The following POLR1E variants were observed in gnomAD, a reference collection of about 807,000 sequenced individuals.
POLR1E encodes RNA polymerase I subunit E.
POLR1E carries 37 observed loss-of-function variants against 50.9 expected under a neutral mutation model. That is an observed-to-expected ratio of 0.73 (90% CI 0.56 to 0.96). POLR1E has a LOEUF of 0.96. POLR1E is among the 40% of genes least tolerant of loss of function. POLR1E has a pLI of 0.00. For missense variants in POLR1E, 426 were observed against 518.1 expected, an observed-to-expected ratio of 0.82 and a Z score of 1.73; for synonymous variants, 166 against 191.6, an observed-to-expected ratio of 0.87 and a Z score of 1.10.
At position 37,489,312 on chromosome 9, in the gene POLR1E, C is replaced by G. The variant is rs576068341; in HGVS notation, c.258-3C>G. ...TTATTTGTATTATTTCTTCTTTATT[C>G]AGGCACTTTGTGGGAATTTTGAACA... On this transcript the variant is annotated splice_region_variant and splice_polypyrimidine_tract_variant and intron_variant, in intron 3 of 11. Transcript: ENST00000377798. 1.3e-6 allele frequency: 2 copies of G among 1,584,592 alleles called. No individual in the cohort carries two copies. The highest frequency in any genetic ancestry group is 2.3e-5 in the South Asian group (2 of 85,880).
chr9:37,503,595 A>G lies in POLR1E; in HGVS notation c.*393A>G, dbSNP rs1017346801. 1.9e-5 allele frequency: 3 copies of G among 157,382 alleles called. No homozygotes were observed. Among genetic ancestry groups the G allele is most frequent in the African/African-American group, 7.2e-5 (3 of 41,618 alleles). 9.7% of individuals were successfully genotyped at this position (157,382 alleles called of 1,614,324 possible). Reference sequence around the variant, plus strand: ...CTTGTCTCAAAAAAGTAACATAAGGAAAAAAGAAGCCTTGCTTTAGCACAG... The same window carrying G: ...CTTGTCTCAAAAAAGTAACATAAGGGAAAAAGAAGCCTTGCTTTAGCACAG... On this transcript the variant is annotated 3_prime_UTR_variant, in exon 12 of 12. Coordinates refer to ENST00000377798, the MANE Select transcript of POLR1E (RefSeq NM_022490.4).
At chr9:37,501,083 A>C (rs1055282667) in intron 10 of POLR1E, among the ~76,000 whole-genome samples, 162 bp downstream of exon 10, 1 of 152,154 alleles carries the variant, frequency 6.6e-6, no homozygotes, top group Admixed American at 6.5e-5. Flanking sequence ...AGTTTAGCAA[A>C]TGCTAAATAT....
chr9:37,488,168 G>A (rs1367156532), intron 3 of POLR1E, among the ~76,000 whole-genome samples: 1 of 152,190 alleles, frequency 6.6e-6, no homozygotes, highest in Non-Finnish European at 1.5e-5. Context: ...TTGTAATCTT[G>A]TTTATTTATA....
intron 4 of POLR1E, among the ~76,000 whole-genome samples, chr9:37,491,706 C>T (rs1327909689): frequency 1.3e-5 from 2 of 152,118 alleles, no homozygotes; most frequent in Admixed American, 6.5e-5. Context: ...TCAAGTGATT[C>T]ACCCACCTTG....
At chr9:37,497,767 G>GT (rs946856802) in intron 8 of POLR1E, among the ~76,000 whole-genome samples, 59 of 151,176 alleles carry the variant, frequency 3.9e-4, no homozygotes, top group East Asian at 7.8e-4. Context: ...TTGTTCGTTT[G>GT]TTTTTTTTTG....
intron 6 of POLR1E, among the ~76,000 whole-genome samples, chr9:37,493,923 T>A (rs1356644005): frequency 2.0e-5 from 3 of 152,128 alleles, no homozygotes; most frequent in Non-Finnish European, 2.9e-5. Flanking sequence ...GGGACAGGCA[T>A]GGAATGGATA....
At chr9:37,492,779 C>A in intron 5 of POLR1E, 64 bp downstream of exon 5, 1 of 1,451,012 alleles carries the variant, frequency 6.9e-7, no homozygotes, top group Non-Finnish European at 9.6e-7. Context: ...CGGGTTTCTC[C>A]ATCAGTGAAA....
At position 37,499,920 on chromosome 9, in the gene POLR1E, G is replaced by A. The variant is rs529688150; in HGVS notation, c.887-920G>A. On this transcript the variant is annotated intron_variant, in intron 9 of 11. Coordinates refer to ENST00000377798, the MANE Select transcript of POLR1E (RefSeq NM_022490.4). Reference sequence around the variant, plus strand: ...GGCTGGAGTGCAGTGGCTCGATCTCGGCTCCCTGCAACCTCCACCTACTGG... The same window carrying A: ...GGCTGGAGTGCAGTGGCTCGATCTCAGCTCCCTGCAACCTCCACCTACTGG... Among the ~76,000 whole-genome samples the A allele has an allele frequency of 1.3e-3, 195 of 150,040 alleles. 1 individual carries two copies. Among genetic ancestry groups the A allele is most frequent in the African/African-American group, 4.6e-3 (187 of 40,738 alleles).
At chr9:37,488,017 C>T in intron 3 of POLR1E, 78 bp downstream of exon 3, 4 of 1,442,208 alleles carry the variant, frequency 2.8e-6, no homozygotes, top group East Asian at 2.3e-5. Context: ...TGTTTCCTGT[C>T]TGTTTTAAGG....
At chr9:37,486,569 G>A in intron 1 of POLR1E, 134 bp from the exon 2 acceptor site, 1 of 1,604,862 alleles carries the variant, frequency 6.2e-7, no homozygotes. Context: ...AGTTCCCTTT[G>A]GGTCAGGACC....
Position 37,486,017 on chromosome 9 carries a change from A to AACTCCTGTGCTTGGCGG in POLR1E, c.-28_-12dup, listed in dbSNP as rs1245285983. The AACTCCTGTGCTTGGCGG allele has an allele frequency of 1.3e-5, 20 of 1,584,340 alleles. No individual in the cohort carries two copies. The highest frequency in any genetic ancestry group is 1.9e-5 in the Admixed American group (1 of 53,276). On this transcript the variant is annotated 5_prime_UTR_variant, in exon 1 of 12. Coordinates refer to ENST00000377798, the MANE Select transcript of POLR1E (RefSeq NM_022490.4). The stretch of plus-strand genomic sequence containing the variant: ...GTGCGCTTGTGGCTGCTGCTGTCTT[A>AACTCCTGTGCTTGGCGG]ACTCCTGTGCTTGGCGGACAGACAG...
intron 1 of POLR1E, 79 bp downstream of exon 1, chr9:37,486,202 T>C: frequency 6.8e-7 from 1 of 1,465,318 alleles, no homozygotes; most frequent in South Asian, 1.3e-5. Context: ...CCTCTCGCCC[T>C]CCGTTGGGCT....
intron 3 of POLR1E, among the ~76,000 whole-genome samples, chr9:37,488,538 TAG>T (rs1014681587): frequency 2.1e-4 from 32 of 151,882 alleles, no homozygotes; most frequent in African/African-American, 7.7e-4. Flanking sequence ...CATACTCCAA[TAG>T]AGGAGAGGTC....
intron 7 of POLR1E, among the ~76,000 whole-genome samples, chr9:37,495,638 G>A (rs567828472): frequency 6.6e-6 from 1 of 152,318 alleles, no homozygotes; most frequent in East Asian, 1.9e-4. Flanking sequence ...ACCACCCAAG[G>A]GGTCCGGTCA....
intron 9 of POLR1E, 151 bp from the exon 10 acceptor site, chr9:37,500,689 G>C: frequency 1.6e-6 from 1 of 606,234 alleles, no homozygotes; most frequent in South Asian, 2.1e-5. Context: ...ATTTTGATGT[G>C]GCTGTTCTGC....
chr9:37,491,265 G>T (rs746342716), intron 4 of POLR1E, among the ~76,000 whole-genome samples: 1 of 152,120 alleles, frequency 6.6e-6, no homozygotes, highest in African/African-American at 2.4e-5. Flanking sequence ...GCAGGATAGG[G>T]CGATAGACAA....
rs1278363789 is a variant in POLR1E, at chr9:37,486,858, C to CT, written c.180+53dup. On this transcript the variant is annotated intron_variant, in intron 2 of 11. Coordinates refer to ENST00000377798, the MANE Select transcript of POLR1E (RefSeq NM_022490.4). ...CCACTCTGCAGGGCTCAGAAGGCCC[C>CT]TGGGAGTGGGTGGATGTGGGAGGGA... is the stretch of plus-strand genomic sequence containing the variant. The CT allele has an allele frequency of 1.9e-6, 3 of 1,555,798 alleles. No individual in the cohort carries two copies. The African/African-American group carries it at 4.1e-5, about 21-fold the overall frequency.
rs747747133 is a variant in POLR1E at position 37,492,697 on chromosome 9, C to T, written c.384C>T (p.Thr128=). 1 of 1,613,782 alleles carries T rather than the reference C, an allele frequency of 6.2e-7. No individual in the cohort carries two copies. The highest frequency in any genetic ancestry group is 1.1e-5 in the South Asian group (1 of 91,052). ...VESELALESQ[T]KTYREKMDSC... The stretch of plus-strand genomic sequence containing the variant: ...GTGAACTGGCGCTAGAGAGTCAGAC[C>T]AAAACTTACAGAGAAAAGGTGAGTG... The change falls in exon 5 of 12, where the codon ACC becomes ACT. Residue 128 remains threonine (T), a synonymous_variant. Transcript: ENST00000377798.
intron 9 of POLR1E, 115 bp downstream of exon 9, chr9:37,498,339 G>A: frequency 8.8e-7 from 1 of 1,130,364 alleles, no homozygotes; most frequent in East Asian, 2.6e-5. Flanking sequence ...AGTCTTTACT[G>A]TCAACTGTGA....
Sources: allele counts gnomAD v4.1 joint callset (sites outside exome capture counted in the v4.1 genomes callset), GRCh38; gene constraint gnomAD v4.1.1; transcripts MANE v1.5; gene names NCBI Gene and HGNC (gene_info 2026-07-23, HGNC 2026-07-21).